The following MASP1 variants were observed in gnomAD, a reference collection of about 807,000 sequenced individuals.
The protein encoded by MASP1 is MBL associated serine protease 1.
In MASP1, 59 loss-of-function variants were observed where a neutral mutation model predicts 77.1. The observed-to-expected ratio is 0.77, with a 90% CI of 0.62 to 0.95. The LOEUF (loss-of-function observed/expected upper bound fraction) is 0.95, where lower values mean the gene tolerates loss of function less well. MASP1 is among the 40% of genes least tolerant of loss of function. MASP1 has a pLI of 0.00. For missense variants in MASP1, 885 were observed against 912.9 expected (o/e 0.97, Z 0.39); for synonymous variants, 362 against 354.5 (o/e 1.02, Z -0.24).
chr3:187,277,754 C>A (rs1039945195), intron 2 of MASP1, among the ~76,000 whole-genome samples: 30 of 152,132 alleles, frequency 2.0e-4, no homozygotes, highest in African/African-American at 6.8e-4. Context: ...TGCAATAATC[C>A]GTGCTCTTCC....
Position 187,253,258 on chromosome 3 carries a change from T to G in MASP1, c.802A>C (p.Ile268Leu), listed in dbSNP as rs781501332. The G allele has an allele frequency of 1.2e-6, 2 of 1,614,188 alleles. No individual in the cohort carries two copies. The highest frequency in any genetic ancestry group is 1.7e-6 in the Non-Finnish European group (2 of 1,180,034). ...AGGACACTGTGGCTCTGGGTGCTGA[T>G]GGGTTCTGGGGCTTTCTCTCCACAG... ...PFCGEKAPEP[I>L]STQSHSVLIL... The change falls in exon 6 of 11, where the codon ATC becomes CTC. Residue 268 changes from isoleucine to leucine, a missense_variant. Transcript: ENST00000296280.
intron 2 of MASP1, among the ~76,000 whole-genome samples, chr3:187,264,759 T>C (rs1001891952): frequency 6.6e-6 from 1 of 152,210 alleles, no homozygotes; most frequent in East Asian, 1.9e-4. Context: ...TTTTAATATG[T>C]TGTGAATTAG....
At chr3:187,239,281 A>T (rs987352671) in intron 10 of MASP1, among the ~76,000 whole-genome samples, 2 of 152,110 alleles carry the variant, frequency 1.3e-5, no homozygotes, top group South Asian at 4.2e-4. Flanking sequence ...TGAACCCAGG[A>T]GGCAGAGATT....
At chr3:187,238,132 C>G (rs541151842) in intron 10 of MASP1, among the ~76,000 whole-genome samples, 97 of 152,316 alleles carry the variant, frequency 6.4e-4, no homozygotes, top group African/African-American at 2.3e-3. Context: ...AGGCCCTAAT[C>G]TGGTAAGGGA....
At chr3:187,269,902 T>C (rs1579559404) in intron 2 of MASP1, among the ~76,000 whole-genome samples, 1 of 151,782 alleles carries the variant, frequency 6.6e-6, no homozygotes, top group Non-Finnish European at 1.5e-5. Flanking sequence ...ATTCTAGACA[T>C]GATTTAGATC....
intron 5 of MASP1, among the ~76,000 whole-genome samples, chr3:187,255,818 T>C (rs1161187231): frequency 1.3e-5 from 2 of 151,958 alleles, no homozygotes; most frequent in Non-Finnish European, 2.9e-5. Context: ...TCATAATCTA[T>C]TATGTTCTAG....
At chr3:187,220,288 G>T in intron 15 of MASP1, 1 of 1,607,230 alleles carries the variant, frequency 6.2e-7, no homozygotes, top group Non-Finnish European at 8.5e-7. Context: ...CATAGATGAA[G>T]ATAAAATGCC....
intron 2 of MASP1, 47 bp from the exon 3 acceptor site, chr3:187,262,767 A>C: frequency 1.3e-6 from 2 of 1,571,962 alleles, no homozygotes; most frequent in Non-Finnish European, 1.8e-6. Context: ...TTTCCCAGCT[A>C]GGCTTCTTTC....
chr3:187,225,488 G>A (rs769361385), exon 13 of MASP1: 1 of 1,614,184 alleles, frequency 6.2e-7, no homozygotes, highest in South Asian at 1.1e-5. Context: ...ATTTTCATCT[G>A]ACCGGAGCCT....
chr3:187,219,900 C>A, exon 16 of MASP1: 1 of 700,902 alleles, frequency 1.4e-6, no homozygotes. Context: ...TGCTCCATCT[C>A]TTTAAAGAGA....
chr3:187,287,847 A>T (rs962590970), intron 1 of MASP1, among the ~76,000 whole-genome samples: 2 of 152,232 alleles, frequency 1.3e-5, no homozygotes, highest in Admixed American at 6.5e-5. Flanking sequence ...TCAGATGCAT[A>T]TATCTGTGTA....
At chr3:187,221,383 C>G (rs1712052466) in intron 14 of MASP1, among the ~76,000 whole-genome samples, 1 of 152,184 alleles carries the variant, frequency 6.6e-6, no homozygotes, top group African/African-American at 2.4e-5. Flanking sequence ...CACATGCCCT[C>G]TCTGGGCCTC....
chr3:187,218,228 CAT>C, exon 16 of MASP1: 1 of 152,312 alleles, frequency 6.6e-6, no homozygotes, highest in East Asian at 1.9e-4. Flanking sequence ...TAGTCAATTA[CAT>C]ATGTTTCATG....
intron 2 of MASP1, among the ~76,000 whole-genome samples, chr3:187,280,368 AAG>A (rs1326665112): frequency 2.0e-5 from 3 of 152,228 alleles, no homozygotes; most frequent in Non-Finnish European, 4.4e-5. Context: ...GAAAGAAAGA[AAG>A]AGAGTGCAAT....
At position 187,271,868 on chromosome 3, in the gene MASP1, T is replaced by G. The variant is rs1331084973; in HGVS notation, c.238-9148A>C. Among the ~76,000 whole-genome samples, 10 of 152,270 alleles carry G rather than the reference T, an allele frequency of 6.6e-5. No homozygotes were observed. The South Asian group carries it at 2.1e-3, about 32-fold the overall frequency. ...TCATCACAGAACATGGCGTGGGAAC[T>G]CCTCAGCACTCTGTCACCTCCTCTC... On this transcript the variant is annotated intron_variant, in intron 2 of 10. Coordinates refer to ENST00000296280, the MANE Select transcript of MASP1 (RefSeq NM_139125.4).
intron 12 of MASP1, chr3:187,226,185 C>T (rs768003058): frequency 1.2e-5 from 7 of 562,384 alleles, no homozygotes; most frequent in Admixed American, 3.0e-5. Flanking sequence ...CTCATTTTAT[C>T]GTTGTGAAAC....
rs189847460 is a variant in MASP1, at chr3:187,226,501, G to A, written c.1461C>T (p.Thr487=). The A allele has an allele frequency of 7.1e-5, 114 of 1,611,120 alleles. 1 individual carries two copies. In the East Asian group the frequency reaches 1.2e-3, roughly 17 times the overall value. Reference sequence around the variant, plus strand: ...GTGACTGGTGGAGGCAGTGTGCGGCGGTCACGATCCAGCTGGAGCCTGGGG... The same window carrying A: ...GTGACTGGTGGAGGCAGTGTGCGGCAGTCACGATCCAGCTGGAGCCTGGGG... The change falls in exon 12 of 16, where the codon ACC becomes ACT. Residue 487 remains threonine (T), a synonymous_variant. Coordinates refer to the MASP1 transcript ENST00000337774.
At chr3:187,229,387 C>T (rs1445863366), downstream of MASP1, among the ~76,000 whole-genome samples, 6 of 152,164 alleles carry the variant, frequency 3.9e-5, no homozygotes, top group Non-Finnish European at 8.8e-5. Flanking sequence ...CTTTCCAGAG[C>T]ATACTTATCA....
chr3:187,228,625 CTCTG>C (rs1215514641), intron 11 of MASP1, among the ~76,000 whole-genome samples: 1 of 152,112 alleles, frequency 6.6e-6, no homozygotes, highest in Non-Finnish European at 1.5e-5. Flanking sequence ...CTCTGTCTCT[CTCTG>C]TCCTCTCCAT....
Sources: gnomAD v4.1 joint callset for allele counts (sites outside exome capture counted in the v4.1 genomes callset) on GRCh38, gnomAD v4.1.1 for gene constraint, MANE v1.5 for transcripts, NCBI Gene and HGNC (gene_info 2026-07-23, HGNC 2026-07-21) for gene names.